The following WDHD1 variants were observed in gnomAD, a reference collection of about 807,000 sequenced individuals.
WDHD1 encodes WD repeat and HMG-box DNA-binding protein 1.
Under a neutral mutation model 135.4 loss-of-function variants are expected in WDHD1, and 111 were observed. That is an observed-to-expected ratio of 0.82 (90% CI 0.70 to 0.96). The LOEUF (loss-of-function observed/expected upper bound fraction) is 0.96, where lower values mean the gene tolerates loss of function less well. WDHD1 is among the 40% of genes least tolerant of loss of function. The probability of loss-of-function intolerance (pLI) is 0.00; values close to 1 mark genes in which losing one functional copy is unlikely to be tolerated. For missense variants in WDHD1, 1,351 were observed against 1,336.3 expected, an observed-to-expected ratio of 1.01 and a Z score of -0.17; for synonymous variants, 434 against 439.0, an observed-to-expected ratio of 0.99 and a Z score of 0.14.
chr14:54,942,884 C>A (rs758491385), intron 25 of WDHD1, among the ~76,000 whole-genome samples: 1 of 152,206 alleles, frequency 6.6e-6, no homozygotes, highest in Non-Finnish European at 1.5e-5. Context: ...CAATCACAGA[C>A]TTTGCCAAGT....
chr14:54,984,746 G>A lies in WDHD1; in HGVS notation c.1883C>T (p.Ala628Val), dbSNP rs754583330. 1 of 1,612,614 alleles carries A rather than the reference G, an allele frequency of 6.2e-7. No homozygotes were observed. Among genetic ancestry groups the A allele is most frequent in the Non-Finnish European group, 8.5e-7 (1 of 1,179,600 alleles). The change falls in exon 15 of 26, where the codon GCA becomes GTA. Residue 628 changes from alanine to valine, a missense_variant. Ala to Val is a moderately conservative substitution (Grantham distance 64). This residue lies in a region of WDHD1 where 1,330 missense variants were observed against 1,296.1 expected (regional missense o/e 1.03). Coordinates refer to ENST00000360586, the MANE Select transcript of WDHD1 (RefSeq NM_007086.4). ...GCCTTCAGCTGAAAACCCAATCCAT[G>A]CAAGGTAGGATTTCCTTGTAAGAGG... Reference protein sequence around the residue: ...PLPLTRKSYLAWIGFSAEGTP... With the variant: ...PLPLTRKSYLVWIGFSAEGTP...
At chr14:54,950,234 G>A (rs570872669) in intron 24 of WDHD1, among the ~76,000 whole-genome samples, 33 of 152,320 alleles carry the variant, frequency 2.2e-4, no homozygotes, top group African/African-American at 7.7e-4. Context: ...TCAGTGTGCT[G>A]TATTCAGGAG....
intron 24 of WDHD1, among the ~76,000 whole-genome samples, chr14:54,951,735 G>C (rs990592955): frequency 4.6e-5 from 7 of 152,150 alleles, no homozygotes; most frequent in South Asian, 2.1e-4. Context: ...GATGAACATC[G>C]ATGCAAAAAT....
chr14:54,971,008 A>T (rs533508214), intron 16 of WDHD1, among the ~76,000 whole-genome samples: 1 of 152,310 alleles, frequency 6.6e-6, no homozygotes, highest in South Asian at 2.1e-4. Flanking sequence ...CCTACTCAAT[A>T]AATGGTGCTG....
At chr14:54,962,578 T>G (rs995929756) in intron 20 of WDHD1, 27 bp from the exon 21 acceptor site, 1 of 1,581,862 alleles carries the variant, frequency 6.3e-7, no homozygotes, top group African/African-American at 1.4e-5. Context: ...AGCAATATAA[T>G]GTAAATGGGG....
rs374852695 is a variant in WDHD1 at position 55,015,607 on chromosome 14, G to A, written c.78-2011C>T. On this transcript the variant is annotated intron_variant, in intron 2 of 25. Coordinates refer to ENST00000360586, the MANE Select transcript of WDHD1 (RefSeq NM_007086.4). ...ACATGTGAGGCATTCAATAAAAAAC[G>A]GAATGGATTCAGATGTAAGACCCTA... is the stretch of plus-strand genomic sequence containing the variant. Among the ~76,000 whole-genome samples the A allele has an allele frequency of 3.9e-5, 6 of 152,062 alleles. No homozygotes were observed. The East Asian group carries it at 5.8e-4, about 15-fold the overall frequency.
intron 21 of WDHD1, among the ~76,000 whole-genome samples, chr14:54,958,199 T>G (rs1439947056): frequency 6.6e-6 from 1 of 151,470 alleles, no homozygotes; most frequent in East Asian, 1.9e-4. Flanking sequence ...TGATCTCGGC[T>G]CACTGCAAAG....
At chr14:54,977,431 G>A (rs2140185121) in intron 16 of WDHD1, among the ~76,000 whole-genome samples, 1 of 152,256 alleles carries the variant, frequency 6.6e-6, no homozygotes, top group African/African-American at 2.4e-5. Context: ...AGAAGCTTAT[G>A]TTATCATGCC....
chr14:54,949,796 C>G (rs914311622), intron 24 of WDHD1, among the ~76,000 whole-genome samples: 4 of 152,136 alleles, frequency 2.6e-5, no homozygotes. Context: ...GCTGATCTCT[C>G]GGCAGAAACT....
Position 55,005,734 on chromosome 14 carries a change from A to AT in WDHD1, c.600+1545dup, listed in dbSNP as rs148064096. Reference sequence around the variant, plus strand: ...TACGATGGGAATCCAGAACAACATCATAAGGATCCTTCTCTGGGTAGTGCA... The same window carrying AT: ...TACGATGGGAATCCAGAACAACATCATTAAGGATCCTTCTCTGGGTAGTGCA... On this transcript the variant is annotated intron_variant, in intron 7 of 25. Coordinates refer to ENST00000360586, the MANE Select transcript of WDHD1 (RefSeq NM_007086.4). 1,221 of 436,736 alleles carry AT rather than the reference A, an allele frequency of 2.8e-3. 15 individuals carry two copies. Among genetic ancestry groups the AT allele is most frequent in the African/African-American group, 0.022 (1,094 of 49,786 alleles). The allele number at this position is 436,736 out of a possible 1,614,324, so 27.1% of individuals were successfully genotyped here.
At chr14:55,015,726 T>C (rs1457620494) in intron 2 of WDHD1, among the ~76,000 whole-genome samples, 1 of 151,366 alleles carries the variant, frequency 6.6e-6, no homozygotes, top group Non-Finnish European at 1.5e-5. Context: ...TGAGACACAG[T>C]CTCACTCTGT....
rs370843677 is a variant in WDHD1 at position 55,000,578 on chromosome 14, C to T, written c.867G>A (p.Ser289=). The T allele has an allele frequency of 2.1e-5, 33 of 1,607,642 alleles. 1 individual carries two copies. The Middle Eastern group carries it at 6.6e-4, about 32-fold the overall frequency. ...LAWHPTCGRI[S]YTDAEGNLGL... ...CTAGATTTCCTTCCGCATCAGTATA[C>T]GATATTCGACCACAAGTAGGATGCC... is the stretch of plus-strand genomic sequence containing the variant. Residue 289 remains serine (S), a synonymous_variant, in exon 10 of 26, where the codon TCG becomes TCA. Transcript: ENST00000360586.
rs1323292487 is a variant in WDHD1, at chr14:55,000,890, C to T, written c.796G>A (p.Glu266Lys). 1.9e-6 allele frequency: 3 copies of T among 1,561,692 alleles called. No individual in the cohort carries two copies. The African/African-American group carries it at 4.1e-5, about 22-fold the overall frequency. ...VWNVETKDCM[E>K]RVKHEKGYAI... Reference sequence around the variant, plus strand: ...AAAAGATACACTAAATCATACCTTTCCATGCAGTCTTTGGTTTCCACATTC... The same window carrying T: ...AAAAGATACACTAAATCATACCTTTTCATGCAGTCTTTGGTTTCCACATTC... Residue 266 changes from glutamate (E) to lysine (K), a missense_variant, in exon 9 of 26, where the codon GAA becomes AAA. Physicochemically the swap from Glu to Lys is moderately conservative, Grantham distance 56. Coordinates refer to ENST00000360586, the MANE Select transcript of WDHD1 (RefSeq NM_007086.4).
At chr14:54,990,673 A>C (rs1379185695) in intron 12 of WDHD1, among the ~76,000 whole-genome samples, 1 of 152,172 alleles carries the variant, frequency 6.6e-6, no homozygotes, top group East Asian at 1.9e-4. Flanking sequence ...ATATATATTT[A>C]ATGTGCACTG....
intron 7 of WDHD1, 49 bp downstream of exon 7, chr14:55,007,231 T>TAAA (rs369698327): frequency 0.028 from 29,238 of 1,044,710 alleles, 79 homozygotes; most frequent in South Asian, 0.041. Flanking sequence ...CCATCTCTAA[T>TAAA]AAAAAAAAAA....
Position 55,007,688 on chromosome 14 carries a change from C to T in WDHD1, c.505-313G>A, listed in dbSNP as rs2042095651. ...TCTTAGAATGACTACAAAAATAAAACTTCAATGGTCTACTATAAAATGTTA... is the reference window on the plus strand; with the variant it reads ...TCTTAGAATGACTACAAAAATAAAATTTCAATGGTCTACTATAAAATGTTA... On this transcript the variant is annotated intron_variant, in intron 6 of 25. Coordinates refer to ENST00000360586, the MANE Select transcript of WDHD1 (RefSeq NM_007086.4). Among the ~76,000 whole-genome samples, 4 of 152,160 alleles carry T rather than the reference C, an allele frequency of 2.6e-5. No homozygotes were observed. The South Asian group carries it at 8.3e-4, about 32-fold the overall frequency.
At chr14:54,977,627 C>T (rs985707277) in intron 16 of WDHD1, among the ~76,000 whole-genome samples, 42 of 152,220 alleles carry the variant, frequency 2.8e-4, no homozygotes, top group Admixed American at 2.4e-3. Context: ...TAAAAAAGGA[C>T]TCTTGTTCAA....
At chr14:54,975,483 GA>G (rs1355156449) in intron 16 of WDHD1, among the ~76,000 whole-genome samples, 1 of 151,978 alleles carries the variant, frequency 6.6e-6, no homozygotes, top group Admixed American at 6.6e-5. Context: ...AAGTAGCTGG[GA>G]TTACAGGCAT....
intron 16 of WDHD1, among the ~76,000 whole-genome samples, chr14:54,972,215 C>T (rs959670935): frequency 6.1e-5 from 9 of 147,424 alleles, no homozygotes; most frequent in Non-Finnish European, 1.3e-4. Context: ...GCGGAGCTTG[C>T]GGTGAGCCGA....
Sources: gnomAD v4.1 joint callset for allele counts (sites outside exome capture counted in the v4.1 genomes callset) on GRCh38, gnomAD v4.1.1 for gene constraint, gnomAD v4.1.1 regional missense constraint, MANE v1.5 for transcripts, NCBI Gene and HGNC (gene_info 2026-07-23, HGNC 2026-07-21) for gene names.